Variants in PARM1 observed in about 807,000 individuals in gnomAD.
PARM1 encodes the protein prostate androgen-regulated mucin-like protein 1.
PARM1 carries 14 observed loss-of-function variants against 24.6 expected under a neutral mutation model. That is an observed-to-expected ratio of 0.57 (90% CI 0.38 to 0.89). The LOEUF (loss-of-function observed/expected upper bound fraction) is 0.89, where lower values mean the gene tolerates loss of function less well. Ranked by LOEUF, PARM1 falls within the 40% of genes least tolerant of loss-of-function variation. The pLI is 0.00. For missense variants in PARM1, 362 were observed against 380.4 expected (o/e 0.95, Z 0.40); for synonymous variants, 179 against 156.6 (o/e 1.14, Z -1.07).
intron 2 of PARM1, among the ~76,000 whole-genome samples, chr4:75,029,511 C>G (rs1234752978): frequency 6.6e-6 from 1 of 152,212 alleles, no homozygotes; most frequent in Admixed American, 6.5e-5. Context: ...TGCCCATGCT[C>G]TCTTGCCTGC....
intron 1 of PARM1, among the ~76,000 whole-genome samples, chr4:74,981,496 G>C (rs1379072612): frequency 6.6e-6 from 1 of 152,186 alleles, no homozygotes. Context: ...TGGTGAGACT[G>C]GGAAGAAATA....
Position 75,048,845 on chromosome 4 carries a change from A to C in PARM1, c.*2598A>C, listed in dbSNP as rs561186747. The C allele has an allele frequency of 1.3e-5, 2 of 152,646 alleles. No individual in the cohort carries two copies. Among genetic ancestry groups the C allele is most frequent in the African/African-American group, 4.8e-5 (2 of 41,464 alleles). The allele number at this position is 152,646 out of a possible 1,614,324, so 9.5% of individuals were successfully genotyped here. A position where few individuals can be genotyped will look rare whatever the true frequency, so the allele number is the denominator to read the frequency against. On this transcript the variant is annotated 3_prime_UTR_variant, in exon 4 of 4. Transcript: ENST00000307428. The stretch of plus-strand genomic sequence containing the variant: ...ACACTTCTTATCTTATGTGAGAATA[A>C]AATATTTAAGGGTTGAACCTTATTT...
rs893891271 is a variant in PARM1, at chr4:75,049,274, C to A, written c.*3027C>A. 6.6e-6 allele frequency: 1 copy of A among 152,186 alleles called. No homozygotes were observed. Among genetic ancestry groups the A allele is most frequent in the African/African-American group, 2.4e-5 (1 of 41,450 alleles). 9.4% of individuals were successfully genotyped at this position (152,186 alleles called of 1,614,324 possible). A position where few individuals can be genotyped will look rare whatever the true frequency, so the allele number is the denominator to read the frequency against. Reference sequence around the variant, plus strand: ...GGGTGATGCTTTCATATTGACCTCACCCCATACTACCTCACAGATGTGTTG... The same window carrying A: ...GGGTGATGCTTTCATATTGACCTCAACCCATACTACCTCACAGATGTGTTG... On this transcript the variant is annotated 3_prime_UTR_variant, in exon 4 of 4. Coordinates refer to ENST00000307428, the MANE Select transcript of PARM1 (RefSeq NM_015393.4).
rs745642911 is a variant in PARM1, at chr4:74,933,282, A to G, written c.-46A>G. On this transcript the variant is annotated 5_prime_UTR_variant, in exon 1 of 4. Coordinates refer to ENST00000307428, the MANE Select transcript of PARM1 (RefSeq NM_015393.4). ...CCCAGTGCGCTCTGTCAGTCCGCAA[A>G]CTCCTTGCCGCCCGCCCCGGGCTGG... 3.2e-6 allele frequency: 5 copies of G among 1,586,398 alleles called. No individual in the cohort carries two copies. The highest frequency in any genetic ancestry group is 2.6e-6 in the Non-Finnish European group (3 of 1,158,872).
intron 1 of PARM1, among the ~76,000 whole-genome samples, chr4:75,011,428 G>A (rs1024968877): frequency 2.0e-5 from 3 of 151,892 alleles, no homozygotes; most frequent in Non-Finnish European, 4.4e-5. Flanking sequence ...GTGAATGGGG[G>A]TCCCATCTAC....
At position 75,050,078 on chromosome 4, in the gene PARM1, A is replaced by G. The variant is rs998302768; in HGVS notation, c.*3831A>G. The G allele has an allele frequency of 2.0e-5, 3 of 152,668 alleles. No individual in the cohort carries two copies. Among genetic ancestry groups the G allele is most frequent in the East Asian group, 1.9e-4 (1 of 5,188 alleles). 9.5% of individuals were successfully genotyped at this position (152,668 alleles called of 1,614,324 possible). ...TTGTTGTAAGACATATTGCATACCA[A>G]TTATAATTATATCAATTAAAGTTGA... is the stretch of plus-strand genomic sequence containing the variant. On this transcript the variant is annotated 3_prime_UTR_variant, in exon 4 of 4. Transcript: ENST00000307428.
Position 75,012,922 on chromosome 4 carries a change from G to A in PARM1, c.541G>A (p.Val181Met), listed in dbSNP as rs1415244993. ...ASVTTNHSST[V>M]TSTQPTGAPT... ...CGTTACTACCAACCATAGCTCCACT[G>A]TGACCAGCACCCAACCCACTGGAGC... The change falls in exon 2 of 4, where the codon GTG becomes ATG. Residue 181 changes from valine to methionine, a missense_variant. Coordinates refer to ENST00000307428, the MANE Select transcript of PARM1 (RefSeq NM_015393.4). 1.9e-6 allele frequency: 3 copies of A among 1,613,834 alleles called. No individual in the cohort carries two copies. In the African/African-American group the frequency reaches 4.0e-5, roughly 22 times the overall value.
At chr4:75,004,160 A>C (rs1236778230) in intron 1 of PARM1, among the ~76,000 whole-genome samples, 2 of 152,250 alleles carry the variant, frequency 1.3e-5, no homozygotes, top group Non-Finnish European at 2.9e-5. Context: ...CATTTCTGCT[A>C]TCATGACTCA....
intron 3 of PARM1, among the ~76,000 whole-genome samples, chr4:75,045,233 C>T (rs1332104199): frequency 6.6e-6 from 1 of 152,074 alleles, no homozygotes; most frequent in African/African-American, 2.4e-5. Flanking sequence ...GAGAAGGAGA[C>T]CAGTATGGTT....
At chr4:75,004,593 C>A (rs769709794) in intron 1 of PARM1, among the ~76,000 whole-genome samples, 2 of 152,120 alleles carry the variant, frequency 1.3e-5, no homozygotes, top group Non-Finnish European at 2.9e-5. Flanking sequence ...GACAAGACCG[C>A]ACTGCTCATG....
intron 1 of PARM1, among the ~76,000 whole-genome samples, chr4:75,011,017 C>T (rs1350874069): frequency 2.0e-5 from 3 of 152,170 alleles, no homozygotes; most frequent in Non-Finnish European, 4.4e-5. Flanking sequence ...AGGCACATCT[C>T]ATGGTGAGAA....
Position 75,046,571 on chromosome 4 carries a change from G to T in PARM1, c.*324G>T. 4.7e-6 allele frequency: 1 copy of T among 213,598 alleles called. No homozygotes were observed. The highest frequency in any genetic ancestry group is 1.1e-4 in the East Asian group (1 of 8,708). 13.2% of individuals were successfully genotyped at this position (213,598 alleles called of 1,614,324 possible). A position where few individuals can be genotyped will look rare whatever the true frequency, so the allele number is the denominator to read the frequency against. The stretch of plus-strand genomic sequence containing the variant: ...GAGAAGGACCGAGGAGGAGGATTTG[G>T]GTTGTTTTGTTAGGGGTTACTTTCA... On this transcript the variant is annotated 3_prime_UTR_variant, in exon 4 of 4. Coordinates refer to ENST00000307428, the MANE Select transcript of PARM1 (RefSeq NM_015393.4).
At chr4:75,007,722 T>A (rs1378443603) in intron 1 of PARM1, among the ~76,000 whole-genome samples, 1 of 152,208 alleles carries the variant, frequency 6.6e-6, no homozygotes, top group South Asian at 2.1e-4. Context: ...TGATGGTATT[T>A]GAGGATGGGG....
At chr4:74,995,090 C>A (rs1418193512) in intron 1 of PARM1, among the ~76,000 whole-genome samples, 1 of 152,106 alleles carries the variant, frequency 6.6e-6, no homozygotes, top group Non-Finnish European at 1.5e-5. Flanking sequence ...TGGGATATAA[C>A]TGTAAAGTGA....
chr4:75,018,328 C>G (rs1723026828), intron 2 of PARM1, among the ~76,000 whole-genome samples: 1 of 152,206 alleles, frequency 6.6e-6, no homozygotes, highest in Admixed American at 6.5e-5. Context: ...AATTGGTTTA[C>G]TTTCTAGGCC....
chr4:75,008,214 T>C (rs1722809012), intron 1 of PARM1, among the ~76,000 whole-genome samples: 1 of 152,230 alleles, frequency 6.6e-6, no homozygotes, highest in South Asian at 2.1e-4. Context: ...TGTCATACAA[T>C]TTCATGCATT....
intron 1 of PARM1, among the ~76,000 whole-genome samples, chr4:74,934,236 T>C (rs542187601): frequency 6.6e-6 from 1 of 152,084 alleles, no homozygotes; most frequent in Non-Finnish European, 1.5e-5. Context: ...TACCTATTTT[T>C]TCCAGAAAAC....
rs1282954917 is a variant in PARM1, at chr4:74,948,073, A to G, written c.43+14703A>G. On this transcript the variant is annotated intron_variant, in intron 1 of 3. Transcript: ENST00000307428. ...TCATTCTAGAATGCCACACTCCTCC[A>G]TTCTCTGCCAACCAAAAGTCTCTTC... Among the ~76,000 whole-genome samples the G allele has an allele frequency of 2.0e-5, 3 of 152,246 alleles. No homozygotes were observed. The East Asian group carries it at 5.8e-4, about 29-fold the overall frequency.
intron 2 of PARM1, among the ~76,000 whole-genome samples, chr4:75,019,313 A>C (rs1268358051): frequency 6.6e-6 from 1 of 152,250 alleles, no homozygotes; most frequent in Non-Finnish European, 1.5e-5. Context: ...AAAACAAGTA[A>C]TATTCAAAAC....
Sources: gnomAD v4.1 joint callset for allele counts (sites outside exome capture counted in the v4.1 genomes callset) on GRCh38, gnomAD v4.1.1 for gene constraint, MANE v1.5 for transcripts, NCBI Gene and HGNC (gene_info 2026-07-23, HGNC 2026-07-21) for gene names.